Variants in CPNE8 observed in about 807,000 individuals in gnomAD.
The protein encoded by CPNE8 is copine 8.
CPNE8 carries 45 observed loss-of-function variants against 81.5 expected under a neutral mutation model. That is an observed-to-expected ratio of 0.55 (90% confidence interval 0.44 to 0.71). The LOEUF is 0.71. CPNE8 is among the 30% of genes least tolerant of loss of function. CPNE8 has a pLI of 0.00. For synonymous variants in CPNE8, 252 were observed against 226.3 expected (o/e 1.11, Z -1.02); for missense variants, 594 against 672.1 (o/e 0.88, Z 1.28).
chr12:38,677,541 C>T lies in CPNE8; in HGVS notation c.1285G>A (p.Val429Ile), dbSNP rs1323438732. 5.0e-6 allele frequency: 8 copies of T among 1,608,030 alleles called. No homozygotes were observed. Among genetic ancestry groups the T allele is most frequent in the Admixed American group, 1.7e-5 (1 of 59,832 alleles). ...INHVARYASS[V>I]KDGSQYFVLL... Reference sequence around the variant, plus strand: ...ACAAAATACTGGGAGCCATCCTTTACAGAAGAAGCATATCTGAAAGGCAAC... The same window carrying T: ...ACAAAATACTGGGAGCCATCCTTTATAGAAGAAGCATATCTGAAAGGCAAC... Residue 429 changes from valine to isoleucine, a missense_variant, in exon 17 of 20, where the codon GTA becomes ATA. By Grantham distance (29) the Val-to-Ile change is conservative (BLOSUM62 3). Coordinates refer to ENST00000331366, the MANE Select transcript of CPNE8 (RefSeq NM_153634.3).
chr12:38,754,492 T>C (rs943813974), intron 10 of CPNE8, among the ~76,000 whole-genome samples: 1 of 152,032 alleles, frequency 6.6e-6, no homozygotes, highest in Non-Finnish European at 1.5e-5. Flanking sequence ...TAAGTCATAT[T>C]ACCTGGAAAA....
chr12:38,785,049 G>A (rs1942147844), intron 6 of CPNE8, among the ~76,000 whole-genome samples: 5 of 152,078 alleles, frequency 3.3e-5, no homozygotes, highest in South Asian at 2.1e-4. Flanking sequence ...ACAAAAATTA[G>A]CTGGGTGCGA....
chr12:38,667,650 T>G (rs1448295018), intron 19 of CPNE8, among the ~76,000 whole-genome samples: 1 of 152,204 alleles, frequency 6.6e-6, no homozygotes, highest in African/African-American at 2.4e-5. Context: ...TCTTGTTCAG[T>G]AAATGTTAAG....
intron 10 of CPNE8, among the ~76,000 whole-genome samples, chr12:38,758,511 GAC>G (rs1454309103): frequency 1.3e-5 from 2 of 152,106 alleles, no homozygotes; most frequent in Non-Finnish European, 2.9e-5. Flanking sequence ...CTATAAAAAA[GAC>G]AGTGCAATAG....
At chr12:38,855,655 T>C (rs867634827) in intron 3 of CPNE8, among the ~76,000 whole-genome samples, 28 of 152,110 alleles carry the variant, frequency 1.8e-4, no homozygotes, top group African/African-American at 6.5e-4. Context: ...AATGATCTAC[T>C]GTAGAAAAAA....
chr12:38,654,879 C>A (rs1293751209), intron 19 of CPNE8, among the ~76,000 whole-genome samples: 1 of 152,044 alleles, frequency 6.6e-6, no homozygotes, highest in African/African-American at 2.4e-5. Context: ...GTTAAAAAGT[C>A]CTAAACACAT....
At chr12:38,893,997 T>C (rs1944350165) in intron 1 of CPNE8, among the ~76,000 whole-genome samples, 2 of 152,162 alleles carry the variant, frequency 1.3e-5, no homozygotes, top group African/African-American at 4.8e-5. Context: ...TTCCTTAAAC[T>C]GAAGTATGTC....
At chr12:38,899,345 T>C (rs975317630) in intron 1 of CPNE8, among the ~76,000 whole-genome samples, 1 of 152,144 alleles carries the variant, frequency 6.6e-6, no homozygotes, top group East Asian at 1.9e-4. Context: ...CTGTAGGCCA[T>C]GTGAAAGTAC....
At chr12:38,659,815 A>G (rs1938910038) in intron 19 of CPNE8, among the ~76,000 whole-genome samples, 1 of 152,206 alleles carries the variant, frequency 6.6e-6, no homozygotes, top group African/African-American at 2.4e-5. Flanking sequence ...GCATTCCTAT[A>G]CACCAATAAC....
chr12:38,834,724 A>G (rs1336716958), intron 5 of CPNE8, among the ~76,000 whole-genome samples: 1 of 152,116 alleles, frequency 6.6e-6, no homozygotes, highest in Non-Finnish European at 1.5e-5. Flanking sequence ...TCCATCCAAA[A>G]AAAGAAAAAT....
At chr12:38,897,164 G>C (rs1944399647) in intron 1 of CPNE8, among the ~76,000 whole-genome samples, 1 of 152,062 alleles carries the variant, frequency 6.6e-6, no homozygotes, top group African/African-American at 2.4e-5. Context: ...GCTATACTCT[G>C]CTGCCTCAAA....
rs1437786706 is a variant in CPNE8 at position 38,846,601 on chromosome 12, C to CT, written c.290+1957dup. 7.2e-5 allele frequency among the ~76,000 whole-genome samples: 11 copies of CT among 152,148 alleles called. No individual in the cohort carries two copies. In the South Asian group the frequency reaches 1.9e-3, roughly 26 times the overall value. On this transcript the variant is annotated intron_variant, in intron 4 of 19. Transcript: ENST00000331366. ...ATTCTTGGAACAGGTGCTATAAGTG[C>CT]TTTTTCCCCCTGGCCTGTTGACTCT...
chr12:38,772,928 TAC>T (rs36058381), intron 7 of CPNE8, among the ~76,000 whole-genome samples: 29 of 150,994 alleles, frequency 1.9e-4, no homozygotes, highest in Admixed American at 8.6e-4. Flanking sequence ...ATAAAATTTA[TAC>T]ACACACACAC....
At chr12:38,684,378 A>T (rs1939483680) in intron 16 of CPNE8, among the ~76,000 whole-genome samples, 1 of 152,154 alleles carries the variant, frequency 6.6e-6, no homozygotes, top group Admixed American at 6.6e-5. Context: ...GTACCATTTC[A>T]TGAGTAACTT....
chr12:38,750,489 G>A (rs1218337339), intron 10 of CPNE8, among the ~76,000 whole-genome samples: 2 of 152,206 alleles, frequency 1.3e-5, no homozygotes, highest in Non-Finnish European at 2.9e-5. Context: ...AGCTGCAGAG[G>A]TGGAGCTGCC....
intron 4 of CPNE8, among the ~76,000 whole-genome samples, chr12:38,847,075 T>G (rs961036056): frequency 1.3e-5 from 2 of 152,118 alleles, no homozygotes; most frequent in Admixed American, 1.3e-4. Context: ...AGCATATACA[T>G]TGAGTCATTT....
intron 13 of CPNE8, among the ~76,000 whole-genome samples, chr12:38,716,376 T>C (rs1021655446): frequency 6.6e-6 from 1 of 152,064 alleles, no homozygotes; most frequent in South Asian, 2.1e-4. Flanking sequence ...TCTGGAGGCA[T>C]CACATCACCC....
chr12:38,675,146 T>A (rs1056160967), intron 18 of CPNE8, among the ~76,000 whole-genome samples: 4 of 152,236 alleles, frequency 2.6e-5, no homozygotes, highest in Non-Finnish European at 5.9e-5. Context: ...CATAATTATA[T>A]AAAGTCTCAT....
At position 38,722,958 on chromosome 12, in the gene CPNE8, C is replaced by T. The variant is rs181757564; in HGVS notation, c.914+814G>A. ...GTCCTCCTTCACATGCACTCTCTCG[C>T]CTGCTGCCATGTAAGACACGCCTTG... is the stretch of plus-strand genomic sequence containing the variant. On this transcript the variant is annotated intron_variant, in intron 13 of 19. Coordinates refer to ENST00000331366, the MANE Select transcript of CPNE8 (RefSeq NM_153634.3). Among the ~76,000 whole-genome samples, 219 of 152,236 alleles carry T rather than the reference C, an allele frequency of 1.4e-3. 1 individual carries two copies. Among genetic ancestry groups the T allele is most frequent in the African/African-American group, 5.0e-3 (207 of 41,526 alleles).
Sources: gnomAD v4.1 joint callset for allele counts (sites outside exome capture counted in the v4.1 genomes callset) on GRCh38, gnomAD v4.1.1 for gene constraint, MANE v1.5 for transcripts, NCBI Gene and HGNC (gene_info 2026-07-23, HGNC 2026-07-21) for gene names.